The following TMEM272 variants were observed in gnomAD, a reference collection of about 807,000 sequenced individuals.
The protein encoded by TMEM272 is transmembrane protein 272.
Under a neutral mutation model 3.7 loss-of-function variants are expected in TMEM272, and 8 were observed. The observed-to-expected ratio is 2.17, with a 90% CI of 1.27 to 3.91. TMEM272 has a LOEUF of 3.91. TMEM272 is among the 30% of genes most tolerant of loss of function. The pLI, the probability that TMEM272 is intolerant of heterozygous loss-of-function variation, is 0.00. For synonymous variants in TMEM272, 63 were observed against 39.8 expected (o/e 1.58, Z -2.20); for missense variants, 166 against 91.5 (o/e 1.81, Z -3.32).
chr13:51,865,479 C>T, the TMEM272 span: 2 of 1,614,180 alleles, frequency 1.2e-6, no homozygotes, highest in East Asian at 2.2e-5. Flanking sequence ...GCATCCTCTC[C>T]CAGTATTCGC....
upstream of TMEM272, among the ~76,000 whole-genome samples, chr13:51,848,426 G>T (rs1296468608): frequency 6.6e-6 from 1 of 152,158 alleles, no homozygotes; most frequent in East Asian, 1.9e-4. Context: ...GATGATAGTA[G>T]AATTGAGTGA....
At chr13:51,817,745 C>T (rs1377442620) in intron 4 of TMEM272, among the ~76,000 whole-genome samples, 8 of 152,100 alleles carry the variant, frequency 5.3e-5, no homozygotes, top group African/African-American at 1.4e-4. Context: ...TCTCAGTCCT[C>T]GTACATCTTT....
the TMEM272 span, among the ~76,000 whole-genome samples, chr13:51,874,536 G>C: frequency 6.6e-6 from 1 of 151,942 alleles, no homozygotes; most frequent in Non-Finnish European, 1.5e-5. Flanking sequence ...CACAGTAGGC[G>C]CTTCTCATCC....
chr13:51,908,144 G>GTAAC, the TMEM272 span: 3 of 546,620 alleles, frequency 5.5e-6, no homozygotes, highest in African/African-American at 5.7e-5. Context: ...AATCACTGAA[G>GTAAC]TAACAGCAGT....
the TMEM272 span, chr13:51,908,352 G>T: frequency 4.7e-6 from 7 of 1,483,418 alleles, no homozygotes; most frequent in African/African-American, 2.8e-5. Flanking sequence ...AAGGTAAGGA[G>T]GAAAACCCCT....
At chr13:51,908,896 AG>A in the TMEM272 span, 1 of 1,412,868 alleles carries the variant, frequency 7.1e-7, no homozygotes, top group Non-Finnish European at 1.0e-6. Context: ...AACCTATCAC[AG>A]CTTGATTCTC....
At chr13:51,851,648 CTGAG>C in the TMEM272 span, among the ~76,000 whole-genome samples, 1 of 151,806 alleles carries the variant, frequency 6.6e-6, no homozygotes, top group Non-Finnish European at 1.5e-5. Flanking sequence ...CCTCAGCCTC[CTGAG>C]TAACTGGGAC....
Position 51,838,564 on chromosome 13 carries a change from A to G in TMEM272, c.-23-11T>C. On this transcript the variant is annotated splice_polypyrimidine_tract_variant and intron_variant, in intron 1 of 4. Coordinates refer to ENST00000629372, the MANE Select transcript of TMEM272 (RefSeq NM_001351003.2). Reference sequence around the variant, plus strand: ...CTCGCTGACAAAGTTCTGAGGATCAAAAATAATTCATTAGAAAGGATGGTG... The same window carrying G: ...CTCGCTGACAAAGTTCTGAGGATCAGAAATAATTCATTAGAAAGGATGGTG... 1.4e-6 allele frequency: 1 copy of G among 703,088 alleles called. No individual in the cohort carries two copies. Among genetic ancestry groups the G allele is most frequent in the Non-Finnish European group, 2.6e-6 (1 of 385,010 alleles). The allele number at this position is 703,088 out of a possible 1,614,324, so 43.6% of individuals were successfully genotyped here.
chr13:51,816,896 T>C lies in TMEM272; in HGVS notation c.419A>G (p.Gln140Arg). 1.4e-6 allele frequency: 1 copy of C among 703,006 alleles called. No homozygotes were observed. Among genetic ancestry groups the C allele is most frequent in the Non-Finnish European group, 2.6e-6 (1 of 385,000 alleles). The allele number at this position is 703,006 out of a possible 1,614,324, so 43.5% of individuals were successfully genotyped here. Reference protein sequence around the residue: ...YLPDFLPPFQQPQDYCDKTLY... With the variant: ...YLPDFLPPFQRPQDYCDKTLY... ...GGTTTTGTCACAGTAGTCCTGAGGC[T>C]GCTGGAAAGGGGGAAGAAAATCAGG... Residue 140 changes from glutamine to arginine, a missense_variant, in exon 5 of 5, where the codon CAG becomes CGG. By Grantham distance (43) the Gln-to-Arg change is conservative (BLOSUM62 1). Coordinates refer to ENST00000629372, the MANE Select transcript of TMEM272 (RefSeq NM_001351003.2).
chr13:51,886,436 C>A, the TMEM272 span, among the ~76,000 whole-genome samples: 1 of 152,082 alleles, frequency 6.6e-6, no homozygotes, highest in African/African-American at 2.4e-5. Context: ...TATATTATTC[C>A]CATTTTAAAG....
chr13:51,909,849 T>A, the TMEM272 span: 2 of 1,591,494 alleles, frequency 1.3e-6, no homozygotes, highest in African/African-American at 1.3e-5. Flanking sequence ...TTCTTTATCA[T>A]TTAGAACTTG....
intron 2 of TMEM272, among the ~76,000 whole-genome samples, chr13:51,832,035 C>A (rs947333936): frequency 6.6e-6 from 1 of 152,156 alleles, no homozygotes; most frequent in Non-Finnish European, 1.5e-5. Context: ...GCTAAGAACA[C>A]AGATAGGCTG....
the TMEM272 span, among the ~76,000 whole-genome samples, chr13:51,907,125 T>C: frequency 3.3e-5 from 5 of 152,324 alleles, no homozygotes; most frequent in Admixed American, 2.0e-4. Context: ...AGAAGTGATG[T>C]TGCATAACTT....
At chr13:51,898,097 C>T in the TMEM272 span, among the ~76,000 whole-genome samples, 1 of 151,848 alleles carries the variant, frequency 6.6e-6, no homozygotes, top group Non-Finnish European at 1.5e-5. Flanking sequence ...GTGGCGTGCA[C>T]CTGTAGTCCC....
intron 2 of TMEM272, among the ~76,000 whole-genome samples, chr13:51,827,219 T>A (rs1390516441): frequency 6.6e-6 from 1 of 152,216 alleles, no homozygotes; most frequent in African/African-American, 2.4e-5. Flanking sequence ...TTTCTGTTAA[T>A]GCCACCAATC....
chr13:51,834,091 C>A (rs1272591151), intron 2 of TMEM272, among the ~76,000 whole-genome samples: 1 of 152,190 alleles, frequency 6.6e-6, no homozygotes, highest in African/African-American at 2.4e-5. Context: ...CCGGTGCTGA[C>A]CTGATAGCAA....
At chr13:51,874,986 C>T in the TMEM272 span, among the ~76,000 whole-genome samples, 3 of 152,172 alleles carry the variant, frequency 2.0e-5, no homozygotes, top group Non-Finnish European at 2.9e-5. Context: ...GAGCTGGTTG[C>T]TTAGCAACAA....
the TMEM272 span, among the ~76,000 whole-genome samples, chr13:51,873,903 G>C: frequency 1.3e-5 from 2 of 152,202 alleles, no homozygotes; most frequent in African/African-American, 4.8e-5. Flanking sequence ...AGCACCTTTG[G>C]AACACCCTTC....
chr13:51,875,461 C>T, the TMEM272 span, among the ~76,000 whole-genome samples: 1 of 152,170 alleles, frequency 6.6e-6, no homozygotes, highest in Admixed American at 6.5e-5. Context: ...GAGTTTAACA[C>T]GCTACTTACA....
Sources: allele counts gnomAD v4.1 joint callset (sites outside exome capture counted in the v4.1 genomes callset), GRCh38; gene constraint gnomAD v4.1.1; transcripts MANE v1.5; gene names NCBI Gene and HGNC (gene_info 2026-07-23, HGNC 2026-07-21).